Variants in TAF3 observed in about 807,000 individuals in gnomAD.
The protein encoded by TAF3 is transcription initiation factor TFIID subunit 3.
TAF3 carries 7 observed loss-of-function variants against 80.6 expected under a neutral mutation model. The ratio of observed to expected loss-of-function variants is 0.09; its 90% CI spans 0.05 to 0.16. TAF3 has a LOEUF of 0.16. Ranked by LOEUF, TAF3 falls within the 10% of genes least tolerant of loss-of-function variation. The pLI is 1.00. For synonymous variants in TAF3, 444 were observed against 446.1 expected (o/e 1.00, Z 0.06); for missense variants, 921 against 1,140.2 (o/e 0.81, Z 2.77).
intron 2 of TAF3, among the ~76,000 whole-genome samples, chr10:7,862,834 A>G (rs1837161351): frequency 1.3e-5 from 2 of 152,148 alleles, no homozygotes; most frequent in African/African-American, 4.8e-5. Context: ...TTTGAGATTC[A>G]TCCAAAATTC....
intron 2 of TAF3, among the ~76,000 whole-genome samples, chr10:7,899,359 C>T (rs113085587): frequency 0.011 from 1,661 of 152,262 alleles, 20 homozygotes; most frequent in Middle Eastern, 0.031. Flanking sequence ...GGCTGGCTTC[C>T]AGCACACACA....
chr10:7,981,781 T>G (rs1322199787), intron 4 of TAF3, among the ~76,000 whole-genome samples: 1 of 152,202 alleles, frequency 6.6e-6, no homozygotes, highest in Admixed American at 6.5e-5. Context: ...CATTTACTTT[T>G]TTTTGTTGCA....
intron 2 of TAF3, among the ~76,000 whole-genome samples, chr10:7,926,913 T>C (rs1837821131): frequency 1.3e-5 from 2 of 152,198 alleles, no homozygotes. Flanking sequence ...AGTATTTTAC[T>C]GTTTGGTTCA....
At chr10:7,853,402 TC>T (rs1837047947) in intron 2 of TAF3, among the ~76,000 whole-genome samples, 1 of 152,196 alleles carries the variant, frequency 6.6e-6, no homozygotes, top group Admixed American at 6.5e-5. Flanking sequence ...ATGCTACAGA[TC>T]ATGGCATGAT....
chr10:8,016,346 C>G lies in TAF3; in HGVS notation c.*1595C>G, dbSNP rs990469931. 6.6e-6 allele frequency: 1 copy of G among 152,040 alleles called. No individual in the cohort carries two copies. Among genetic ancestry groups the G allele is most frequent in the Non-Finnish European group, 1.5e-5 (1 of 68,022 alleles). 9.4% of individuals were successfully genotyped at this position (152,040 alleles called of 1,614,324 possible). On this transcript the variant is annotated 3_prime_UTR_variant, in exon 7 of 7. Transcript: ENST00000344293. ...AAAACATTATGTGGTTAGAGAAATG[C>G]GGTTTTCTGCCATGAATGTTAAGTT...
intron 4 of TAF3, among the ~76,000 whole-genome samples, chr10:8,006,283 G>A (rs901751452): frequency 6.6e-6 from 1 of 151,606 alleles, no homozygotes; most frequent in African/African-American, 2.4e-5. Context: ...GGCTAAGGCG[G>A]GAGAATCACT....
At chr10:7,868,667 A>T (rs1041426995) in intron 2 of TAF3, among the ~76,000 whole-genome samples, 14 of 152,266 alleles carry the variant, frequency 9.2e-5, no homozygotes, top group African/African-American at 2.9e-4. Flanking sequence ...AATATAGATC[A>T]TAAATAGTAC....
intron 2 of TAF3, among the ~76,000 whole-genome samples, chr10:7,931,171 A>T (rs1837866498): frequency 6.6e-6 from 1 of 152,224 alleles, no homozygotes; most frequent in African/African-American, 2.4e-5. Flanking sequence ...CGAGTGTTTA[A>T]TATGTATCAC....
intron 2 of TAF3, among the ~76,000 whole-genome samples, chr10:7,954,988 T>C (rs1272061264): frequency 1.3e-5 from 2 of 150,204 alleles, no homozygotes; most frequent in Admixed American, 6.6e-5. Flanking sequence ...AGATTTAGAG[T>C]GCACTCCATA....
At chr10:7,826,624 C>T (rs1417219037) in intron 2 of TAF3, among the ~76,000 whole-genome samples, 1 of 152,098 alleles carries the variant, frequency 6.6e-6, no homozygotes. Flanking sequence ...GAGAACACTA[C>T]TTTTCACTTT....
chr10:7,896,143 A>C (rs1459005648), intron 2 of TAF3, among the ~76,000 whole-genome samples: 1 of 152,190 alleles, frequency 6.6e-6, no homozygotes, highest in South Asian at 2.1e-4. Context: ...CTGAAATGAA[A>C]TATTGGAACC....
chr10:7,827,637 G>A (rs1215617620), intron 2 of TAF3, among the ~76,000 whole-genome samples: 2 of 152,088 alleles, frequency 1.3e-5, no homozygotes, highest in Admixed American at 1.3e-4. Flanking sequence ...AATATTAGCT[G>A]GGCGTGGTGG....
chr10:7,935,850 T>C (rs1406792900), intron 2 of TAF3, among the ~76,000 whole-genome samples: 1 of 151,820 alleles, frequency 6.6e-6, no homozygotes, highest in Non-Finnish European at 1.5e-5. Flanking sequence ...GAGAGGGAGA[T>C]AAAAATGGCC....
At chr10:7,871,184 A>G (rs1837261657) in intron 2 of TAF3, among the ~76,000 whole-genome samples, 1 of 152,238 alleles carries the variant, frequency 6.6e-6, no homozygotes, top group African/African-American at 2.4e-5. Flanking sequence ...AAATACATGT[A>G]GCTGGAAGTC....
At chr10:7,865,538 T>C (rs1259831531) in intron 2 of TAF3, among the ~76,000 whole-genome samples, 4 of 152,100 alleles carry the variant, frequency 2.6e-5, no homozygotes, top group African/African-American at 9.7e-5. Context: ...GCAAGCTGCC[T>C]AGAAACCTTG....
chr10:7,844,146 G>C (rs1228841296), intron 2 of TAF3, among the ~76,000 whole-genome samples: 1 of 152,100 alleles, frequency 6.6e-6, no homozygotes. Flanking sequence ...ATATTTATTT[G>C]CCTTGAGGAA....
chr10:7,839,246 A>G (rs987800008), intron 2 of TAF3, among the ~76,000 whole-genome samples: 3 of 152,140 alleles, frequency 2.0e-5, no homozygotes, highest in African/African-American at 2.4e-5. Context: ...GAGCGCCCGT[A>G]TAATATATAT....
chr10:7,838,789 C>G (rs905989319), intron 2 of TAF3, among the ~76,000 whole-genome samples: 2 of 152,094 alleles, frequency 1.3e-5, no homozygotes, highest in Non-Finnish European at 2.9e-5. Flanking sequence ...AAGGATCTGG[C>G]TGCCTCTCTC....
intron 2 of TAF3, among the ~76,000 whole-genome samples, chr10:7,929,171 C>G (rs1050176638): frequency 6.6e-6 from 1 of 151,772 alleles, no homozygotes; most frequent in African/African-American, 2.4e-5. Context: ...AGGTCTTCAA[C>G]TATACTGTAC....
Sources: gnomAD v4.1 joint callset for allele counts (sites outside exome capture counted in the v4.1 genomes callset) on GRCh38, gnomAD v4.1.1 for gene constraint, MANE v1.5 for transcripts, NCBI Gene and HGNC (gene_info 2026-07-23, HGNC 2026-07-21) for gene names.